The following CRPPA variants were observed in gnomAD, a reference collection of about 807,000 sequenced individuals.
The protein encoded by CRPPA is D-ribitol-5-phosphate cytidylyltransferase.
Under a neutral mutation model 52.0 loss-of-function variants are expected in CRPPA, and 43 were observed. The ratio of observed to expected loss-of-function variants is 0.83; its 90% CI spans 0.65 to 1.07. CRPPA has a LOEUF of 1.07. CRPPA is among the 50% of genes least tolerant of loss of function. The pLI, the probability that CRPPA is intolerant of heterozygous loss-of-function variation, is 0.00. For missense variants in CRPPA, 629 were observed against 551.7 expected, an observed-to-expected ratio of 1.14 and a Z score of -1.40; for synonymous variants, 250 against 203.5, an observed-to-expected ratio of 1.23 and a Z score of -1.94.
chr7:16,093,695 T>C (rs17358277), intron 9 of CRPPA, among the ~76,000 whole-genome samples: 42,626 of 152,150 alleles, frequency 0.28, 7,663 homozygotes, highest in Admixed American at 0.39. Flanking sequence ...ATGTTTGGAC[T>C]TAAAATATGA....
chr7:16,114,367 G>T (rs1034369856), intron 9 of CRPPA, among the ~76,000 whole-genome samples: 2 of 151,296 alleles, frequency 1.3e-5, no homozygotes, highest in African/African-American at 4.9e-5. Flanking sequence ...CAAAGTAACT[G>T]CAAGTTAAAG....
At chr7:16,215,459 G>T (rs556518306) in intron 9 of CRPPA, among the ~76,000 whole-genome samples, 1 of 152,282 alleles carries the variant, frequency 6.6e-6, no homozygotes, top group African/African-American at 2.4e-5. Flanking sequence ...GTAGCTCATT[G>T]TGCTTTCAGT....
chr7:16,269,662 A>T (rs1784045328), intron 6 of CRPPA: 1 of 152,216 alleles, frequency 6.6e-6, no homozygotes, highest in African/African-American at 2.4e-5. Context: ...ACGATAATGT[A>T]CTGTGGTTAT....
At chr7:16,406,360 A>G in intron 1 of CRPPA, 23 bp from the exon 2 acceptor site, 1 of 1,586,730 alleles carries the variant, frequency 6.3e-7, no homozygotes, top group Non-Finnish European at 8.6e-7. Context: ...TATATGTACA[A>G]TTCGTAAATT....
chr7:16,357,850 G>A (rs533723813), intron 3 of CRPPA, among the ~76,000 whole-genome samples: 38 of 152,270 alleles, frequency 2.5e-4, no homozygotes, highest in Admixed American at 3.9e-4. Context: ...GCAGCCCACC[G>A]GATGGCAGGG....
Position 16,216,813 on chromosome 7 carries a change from G to C in CRPPA, c.1120-616C>G, listed in dbSNP as rs185362806. Among the ~76,000 whole-genome samples the C allele has an allele frequency of 2.6e-5, 4 of 152,314 alleles. No homozygotes were observed. In the East Asian group the frequency reaches 7.7e-4, roughly 29 times the overall value. On this transcript the variant is annotated intron_variant, in intron 8 of 9. Coordinates refer to ENST00000407010, the MANE Select transcript of CRPPA (RefSeq NM_001101426.4). ...CTACGCCCACGGAGTCTCACTGATTGCTAGCACAGCAGTCTGAGATCAAAC... is the reference window on the plus strand; with the variant it reads ...CTACGCCCACGGAGTCTCACTGATTCCTAGCACAGCAGTCTGAGATCAAAC...
rs1784519909 is a variant in CRPPA, at chr7:16,289,633, C to A, written c.836-11407G>T. ...AAGCATTTGATAAAATTCAGCATTC[C>A]TTTTTCACAAAAGCTCTCAACAAAT... On this transcript the variant is annotated intron_variant, in intron 5 of 9. Transcript: ENST00000407010. Among the ~76,000 whole-genome samples the A allele has an allele frequency of 2.0e-5, 3 of 152,048 alleles. No individual in the cohort carries two copies. The South Asian group carries it at 6.2e-4, about 32-fold the overall frequency.
chr7:16,150,894 G>A (rs1783064422), intron 9 of CRPPA, among the ~76,000 whole-genome samples: 1 of 152,144 alleles, frequency 6.6e-6, no homozygotes. Flanking sequence ...CCACTCCCAT[G>A]ATAATAAACC....
chr7:16,185,235 G>A (rs1193310513), intron 9 of CRPPA, among the ~76,000 whole-genome samples: 1 of 152,160 alleles, frequency 6.6e-6, no homozygotes, highest in Non-Finnish European at 1.5e-5. Flanking sequence ...AAGAGAGCTT[G>A]TGCAGGGAAA....
chr7:16,319,719 G>A (rs769261133), intron 3 of CRPPA, among the ~76,000 whole-genome samples: 3 of 152,072 alleles, frequency 2.0e-5, no homozygotes, highest in Non-Finnish European at 2.9e-5. Flanking sequence ...TTTCCTATTC[G>A]GCAGTCAGTA....
intron 1 of CRPPA, among the ~76,000 whole-genome samples, chr7:16,407,059 T>C (rs1398890586): frequency 1.3e-5 from 2 of 152,168 alleles, no homozygotes; most frequent in East Asian, 1.9e-4. Flanking sequence ...CACTGCAACC[T>C]CTGCCTCCTG....
At chr7:16,249,543 A>G (rs1013095790) in intron 8 of CRPPA, among the ~76,000 whole-genome samples, 2 of 152,188 alleles carry the variant, frequency 1.3e-5, no homozygotes, top group Non-Finnish European at 1.5e-5. Flanking sequence ...TCAGACAGCA[A>G]TAGTTGCTGT....
intron 9 of CRPPA, among the ~76,000 whole-genome samples, chr7:16,205,807 A>G (rs1781961531): frequency 6.6e-6 from 1 of 150,836 alleles, no homozygotes; most frequent in Non-Finnish European, 1.5e-5. Context: ...AAAAAAAAAG[A>G]TGATCCTCCC....
At chr7:16,199,158 T>C (rs185400004) in intron 9 of CRPPA, among the ~76,000 whole-genome samples, 2 of 152,292 alleles carry the variant, frequency 1.3e-5, no homozygotes, top group African/African-American at 4.8e-5. Flanking sequence ...GGGGTCTAAC[T>C]GGACCAGTGG....
At chr7:16,286,097 A>AAAAATATATATATATATATATATAT in intron 5 of CRPPA, among the ~76,000 whole-genome samples, 2 of 39,130 alleles carry the variant, frequency 5.1e-5, no homozygotes, top group African/African-American at 1.8e-4. Flanking sequence ...TAAAAAAAAA[A>AAAAATATATATATATATATATATAT]ATATATATAT....
intron 3 of CRPPA, among the ~76,000 whole-genome samples, chr7:16,308,863 T>C (rs1249937250): frequency 6.6e-6 from 1 of 152,198 alleles, no homozygotes; most frequent in Admixed American, 6.5e-5. Flanking sequence ...TGCAATCATA[T>C]GAGTTTTGAG....
intron 2 of CRPPA, among the ~76,000 whole-genome samples, chr7:16,387,847 A>G (rs1787328775): frequency 1.3e-5 from 2 of 152,236 alleles, no homozygotes; most frequent in Admixed American, 6.5e-5. Flanking sequence ...ACCTATTTGA[A>G]GTGCACATAG....
intron 9 of CRPPA, among the ~76,000 whole-genome samples, chr7:16,194,671 C>A (rs1781691091): frequency 6.6e-6 from 1 of 151,926 alleles, no homozygotes; most frequent in African/African-American, 2.4e-5. Flanking sequence ...CTTACACAAA[C>A]CAATTGAATT....
intron 6 of CRPPA, among the ~76,000 whole-genome samples, chr7:16,263,413 G>T (rs1304549676): frequency 6.6e-6 from 1 of 152,080 alleles, no homozygotes; most frequent in African/African-American, 2.4e-5. Context: ...AAGCTATTAT[G>T]TATTTCTTAA....
Sources: gnomAD v4.1 joint callset for allele counts (sites outside exome capture counted in the v4.1 genomes callset) on GRCh38, gnomAD v4.1.1 for gene constraint, MANE v1.5 for transcripts, NCBI Gene and HGNC (gene_info 2026-07-23, HGNC 2026-07-21) for gene names.